Variants in PTPN2 observed in about 807,000 individuals in gnomAD.
PTPN2 encodes tyrosine-protein phosphatase non-receptor type 2.
PTPN2 carries 19 observed loss-of-function variants against 57.3 expected under a neutral mutation model. The ratio of observed to expected loss-of-function variants is 0.33; its 90% CI spans 0.23 to 0.49. The LOEUF (loss-of-function observed/expected upper bound fraction) is 0.49. Ranked by LOEUF, PTPN2 falls within the 20% of genes least tolerant of loss-of-function variation. The pLI is 0.99. For synonymous variants in PTPN2, 153 were observed against 164.9 expected, an observed-to-expected ratio of 0.93 and a Z score of 0.55; for missense variants, 358 against 501.1, an observed-to-expected ratio of 0.71 and a Z score of 2.73.
In PTPN2 at chr18:12,792,292, T is replaced by C; in HGVS notation, c.*1986A>G. 1 of 954,998 alleles carries C rather than the reference T, an allele frequency of 1.0e-6. No individual in the cohort carries two copies. Among genetic ancestry groups the C allele is most frequent in the Non-Finnish European group, 1.2e-6 (1 of 802,490 alleles). 59.2% of individuals were successfully genotyped at this position (954,998 alleles called of 1,614,324 possible). A position where few individuals can be genotyped will look rare whatever the true frequency, so the allele number is the denominator to read the frequency against. On this transcript the variant is annotated 3_prime_UTR_variant, in exon 9 of 9. Transcript: ENST00000309660. The stretch of plus-strand genomic sequence containing the variant: ...CCAATGGTTTTCAAACTTTTTTTTT[T>C]TTTTTTTTTGAGACGAAGTCTTGCT...
At chr18:12,800,303 T>C (rs937108304) in intron 8 of PTPN2, among the ~76,000 whole-genome samples, 1 of 152,146 alleles carries the variant, frequency 6.6e-6, no homozygotes. Context: ...ATACTAAGAA[T>C]GCCATTTCAG....
At chr18:12,807,971 C>T (rs1321441260) in intron 7 of PTPN2, among the ~76,000 whole-genome samples, 1 of 152,070 alleles carries the variant, frequency 6.6e-6, no homozygotes, top group Middle Eastern at 3.4e-3. Flanking sequence ...ATCGCTTGAG[C>T]CCAGGAGTTT....
intron 4 of PTPN2, among the ~76,000 whole-genome samples, chr18:12,827,354 A>AT (rs2042508332): frequency 2.1e-5 from 3 of 143,480 alleles, no homozygotes; most frequent in East Asian, 4.3e-4. Context: ...AAAAAAAAAA[A>AT]AAATAATAAT....
At chr18:12,808,415 T>C (rs2041768916) in intron 7 of PTPN2, among the ~76,000 whole-genome samples, 1 of 152,106 alleles carries the variant, frequency 6.6e-6, no homozygotes, top group South Asian at 2.1e-4. Flanking sequence ...CTAGTCTAAT[T>C]TGGTCATTAC....
In PTPN2 at chr18:12,814,365, A is replaced by C; in HGVS notation, c.706-10T>G. Reference sequence around the variant, plus strand: ...CATCTCCTTTTTCCATCTGCAAGAAAGGCAAAAAATGAGACAAGTCTTGTT... The same window carrying C: ...CATCTCCTTTTTCCATCTGCAAGAACGGCAAAAAATGAGACAAGTCTTGTT... On this transcript the variant is annotated splice_polypyrimidine_tract_variant and intron_variant, in intron 6 of 8. Transcript: ENST00000309660. 6.3e-7 allele frequency: 1 copy of C among 1,575,742 alleles called. No homozygotes were observed. Among genetic ancestry groups the C allele is most frequent in the Admixed American group, 2.0e-5 (1 of 50,120 alleles).
intron 6 of PTPN2, among the ~76,000 whole-genome samples, chr18:12,815,940 A>C (rs1450459019): frequency 6.6e-6 from 1 of 152,230 alleles, no homozygotes; most frequent in African/African-American, 2.4e-5. Flanking sequence ...ACATAACTGC[A>C]ATGAAGCATA....
chr18:12,848,052 T>C (rs2043274218), intron 2 of PTPN2, among the ~76,000 whole-genome samples: 1 of 152,168 alleles, frequency 6.6e-6, no homozygotes, highest in Non-Finnish European at 1.5e-5. Flanking sequence ...TTTCAAACTT[T>C]AATGGGATAA....
At chr18:12,789,854 CTCTG>C (rs1219987393), downstream of PTPN2, among the ~76,000 whole-genome samples, 3 of 119,670 alleles carry the variant, frequency 2.5e-5, no homozygotes, top group Non-Finnish European at 5.3e-5. Flanking sequence ...TTATATATCT[CTCTG>C]TATGTGTGTG....
intron 4 of PTPN2, among the ~76,000 whole-genome samples, chr18:12,830,475 C>G (rs2042633643): frequency 6.6e-6 from 1 of 152,030 alleles, no homozygotes; most frequent in Admixed American, 6.6e-5. Context: ...AGGAAAAACC[C>G]CTGTAAATGA....
At chr18:12,865,120 C>T (rs902367306) in intron 1 of PTPN2, among the ~76,000 whole-genome samples, 1 of 152,150 alleles carries the variant, frequency 6.6e-6, no homozygotes, top group African/African-American at 2.4e-5. Context: ...TTCATAGAAT[C>T]CTCAAACTAA....
intron 3 of PTPN2, among the ~76,000 whole-genome samples, chr18:12,834,721 G>C (rs1266499947): frequency 1.4e-5 from 2 of 147,838 alleles, no homozygotes; most frequent in Non-Finnish European, 1.5e-5. Context: ...CAGACTGGAG[G>C]AGAAAAAAAA....
rs1270349781 is a variant in PTPN2 at position 12,870,318 on chromosome 18, T to C, written c.70-11064A>G. Among the ~76,000 whole-genome samples the C allele has an allele frequency of 1.3e-3, 58 of 46,296 alleles. 2 individuals carry two copies. The highest frequency in any genetic ancestry group is 3.0e-3 in the South Asian group (3 of 990). The allele number at this position is 46,296 out of a possible 152,430, so 30.4% of individuals were successfully genotyped here. ...ATATATGTGTATATATACATATATA[T>C]GTGTATATATATGTATATATATACA... is the stretch of plus-strand genomic sequence containing the variant. On this transcript the variant is annotated intron_variant, in intron 1 of 8. Coordinates refer to ENST00000309660, the MANE Select transcript of PTPN2 (RefSeq NM_002828.4).
chr18:12,802,538 G>A (rs773496300), intron 7 of PTPN2, among the ~76,000 whole-genome samples: 2 of 152,086 alleles, frequency 1.3e-5, no homozygotes, highest in African/African-American at 2.4e-5. Flanking sequence ...CACATTCAAT[G>A]CAAAGAGGTC....
intron 3 of PTPN2, among the ~76,000 whole-genome samples, chr18:12,832,038 G>A (rs2042686814): frequency 6.6e-6 from 1 of 152,130 alleles, no homozygotes; most frequent in African/African-American, 2.4e-5. Flanking sequence ...TATGAGTTAG[G>A]GGCAGAGTCA....
At chr18:12,854,349 G>C (rs1397290455) in intron 2 of PTPN2, among the ~76,000 whole-genome samples, 1 of 112,356 alleles carries the variant, frequency 8.9e-6, no homozygotes, top group African/African-American at 3.5e-5. Flanking sequence ...GACAGAGCCA[G>C]ACCCTGTCTT....
chr18:12,791,959 A>C (rs1178122275), downstream of PTPN2, among the ~76,000 whole-genome samples: 1 of 152,236 alleles, frequency 6.6e-6, no homozygotes, highest in Admixed American at 6.5e-5. Context: ...AGTAACATAA[A>C]CATACTGCAT....
intron 1 of PTPN2, among the ~76,000 whole-genome samples, chr18:12,872,007 C>T (rs752516386): frequency 4.6e-5 from 7 of 150,700 alleles, no homozygotes; most frequent in Middle Eastern, 3.2e-3. Context: ...GAGATCGTGC[C>T]GTAGCATTCC....
intron 1 of PTPN2, among the ~76,000 whole-genome samples, chr18:12,878,828 G>A (rs996357502): frequency 2.6e-5 from 4 of 152,120 alleles, no homozygotes; most frequent in African/African-American, 7.2e-5. Context: ...ACTCCAGACT[G>A]GGCAACAGAG....
rs1218202992 is a variant in PTPN2 at position 12,851,485 on chromosome 18, CAAAAAAAAAA to C, written c.160+7669_160+7678del. On this transcript the variant is annotated intron_variant, in intron 2 of 8. Coordinates refer to ENST00000309660, the MANE Select transcript of PTPN2 (RefSeq NM_002828.4). ...TGGGCGACAGAGCGAGACTCCGTCT[CAAAAAAAAAA>C]AAAAAAAAAGAAAAAAGAATAATAT... is the stretch of plus-strand genomic sequence containing the variant. 3.0e-4 allele frequency among the ~76,000 whole-genome samples: 3 copies of C among 9,908 alleles called. 1 individual carries two copies. The highest frequency in any genetic ancestry group is 3.7e-3 in the Admixed American group (2 of 546). 6.5% of individuals were successfully genotyped at this position (9,908 alleles called of 152,430 possible). A position where few individuals can be genotyped will look rare whatever the true frequency, so the allele number is the denominator to read the frequency against.
Sources: allele counts gnomAD v4.1 joint callset (sites outside exome capture counted in the v4.1 genomes callset), GRCh38; gene constraint gnomAD v4.1.1; transcripts MANE v1.5; gene names NCBI Gene and HGNC (gene_info 2026-07-23, HGNC 2026-07-21).